Variants in NAXE observed in about 807,000 individuals in gnomAD.
NAXE encodes the protein NAD(P)H-hydrate epimerase.
NAXE carries 25 observed loss-of-function variants against 31.2 expected under a neutral mutation model. That is an observed-to-expected ratio of 0.80 (90% confidence interval 0.58 to 1.12). The LOEUF is 1.12. Among genes scored for constraint, NAXE ranks in the 50% most tolerant of loss-of-function variants. NAXE has a pLI of 0.00. For synonymous variants in NAXE, 144 were observed against 154.5 expected (o/e 0.93, Z 0.50); for missense variants, 362 against 376.1 (o/e 0.96, Z 0.31).
Position 156,594,107 on chromosome 1 carries a change from C to T in NAXE, c.*23C>T. 6.2e-7 allele frequency: 1 copy of T among 1,609,314 alleles called. No individual in the cohort carries two copies. The highest frequency in any genetic ancestry group is 8.5e-7 in the Non-Finnish European group (1 of 1,176,316). On this transcript the variant is annotated 3_prime_UTR_variant, in exon 6 of 6. Coordinates refer to ENST00000368235, the MANE Select transcript of NAXE (RefSeq NM_144772.3). ...TGAGGGAAGGTGGGTGGGTATTCTT[C>T]CCAATAAAGACTTAGAGCCCCTCTC... is the stretch of plus-strand genomic sequence containing the variant.
Position 156,592,578 on chromosome 1 carries a change from TACCCCAAAAGGCCTA to T in NAXE, c.427_441del (p.Pro143_Asn147del). On this transcript the variant is annotated inframe_deletion, in exon 4 of 6. Transcript: ENST00000368235. The stretch of plus-strand genomic sequence containing the variant: ...CTAGGGCTACGAGCCAACCATCTAT[TACCCCAAAAGGCCTA>T]ACAAGCCCCTCTTCACTGCATTGGT... 1 of 1,614,154 alleles carries T rather than the reference TACCCCAAAAGGCCTA, an allele frequency of 6.2e-7. No individual in the cohort carries two copies. Among genetic ancestry groups the T allele is most frequent in the Non-Finnish European group, 8.5e-7 (1 of 1,180,006 alleles).
Position 156,591,784 on chromosome 1 carries a change from G to C in NAXE, c.-21G>C, listed in dbSNP as rs1571391819. 5 of 1,271,960 alleles carry C rather than the reference G, an allele frequency of 3.9e-6. No individual in the cohort carries two copies. Among genetic ancestry groups the C allele is most frequent in the Admixed American group, 2.8e-5 (1 of 35,720 alleles). 78.8% of individuals were successfully genotyped at this position (1,271,960 alleles called of 1,614,324 possible). A position where few individuals can be genotyped will look rare whatever the true frequency, so the allele number is the denominator to read the frequency against. ...TGCGCCGGGGCCGGGCCGGGCCGGG[G>C]GCGCGCGCTCTGCGAGCTGGATGTC... On this transcript the variant is annotated 5_prime_UTR_variant, in exon 1 of 6. Coordinates refer to ENST00000368235, the MANE Select transcript of NAXE (RefSeq NM_144772.3).
intron 4 of NAXE, 44 bp downstream of exon 4, chr1:156,592,714 G>C: frequency 6.6e-7 from 1 of 1,517,010 alleles, no homozygotes; most frequent in Non-Finnish European, 9.1e-7. Flanking sequence ...AGTAACCACT[G>C]CCTGTGCTCT....
rs750501749 is a variant in NAXE at position 156,592,614 on chromosome 1, T to C, written c.460T>C (p.Leu154=). Residue 154 remains leucine (L), a synonymous_variant, in exon 4 of 6, where the codon TTG becomes CTG. Transcript: ENST00000368235. Reference sequence around the variant, plus strand: ...GCCTAACAAGCCCCTCTTCACTGCATTGGTGACCCAGTGTCAGAAAATGGA... The same window carrying C: ...GCCTAACAAGCCCCTCTTCACTGCACTGGTGACCCAGTGTCAGAAAATGGA... The part of the protein sequence containing the change: ...KRPNKPLFTA[L]VTQCQKMDIP... The C allele has an allele frequency of 1.9e-6, 3 of 1,614,190 alleles. No homozygotes were observed. The highest frequency in any genetic ancestry group is 1.1e-5 in the South Asian group (1 of 91,084).
intron 5 of NAXE, 88 bp downstream of exon 5, chr1:156,593,643 T>C (rs755878714): frequency 6.4e-7 from 1 of 1,557,420 alleles, no homozygotes; most frequent in South Asian, 1.2e-5. Context: ...AATTTTAGTC[T>C]AGAGGGGCAG....
At position 156,592,666 on chromosome 1, in the gene NAXE, C is replaced by G. The variant is rs369183498; in HGVS notation, c.512C>G (p.Ala171Gly). The G allele has an allele frequency of 6.2e-7, 1 of 1,612,606 alleles. No homozygotes were observed. Among genetic ancestry groups the G allele is most frequent in the Non-Finnish European group, 8.5e-7 (1 of 1,178,794 alleles). Residue 171 changes from alanine (A) to glycine (G), a missense_variant, in exon 4 of 6, where the codon GCA (alanine) becomes GGA (glycine). By Grantham distance (60) the Ala-to-Gly change is moderately conservative. Coordinates refer to ENST00000368235, the MANE Select transcript of NAXE (RefSeq NM_144772.3). Reference protein sequence around the residue: ...MDIPFLGEMPAEPMTIDELYE... With the variant: ...MDIPFLGEMPGEPMTIDELYE... ...ATCCCTTTCCTTGGGGAAATGCCCG[C>G]AGAGGTAGGTGGCTCCAGTTGAATA...
At position 156,593,180 on chromosome 1, in the gene NAXE, C is replaced by A. The variant is rs148305486; in HGVS notation, c.517-228C>A. ...CTCAGGCTATCTCAGCCTGTAGCCT[C>A]CCCAGTGGTGGGCAGGCAGGCAGGC... On this transcript the variant is annotated intron_variant, in intron 4 of 5. Transcript: ENST00000368235. 145 of 528,854 alleles carry A rather than the reference C, an allele frequency of 2.7e-4. No individual in the cohort carries two copies. In the East Asian group the frequency reaches 4.7e-3, roughly 17 times the overall value. The allele number at this position is 528,854 out of a possible 1,614,324, so 32.8% of individuals were successfully genotyped here. A position where few individuals can be genotyped will look rare whatever the true frequency, so the allele number is the denominator to read the frequency against.
In NAXE at chr1:156,591,933, G is replaced by A. The variant is rs1331547786; in HGVS notation, c.129G>A (p.Ser43=). Residue 43 remains serine, a synonymous_variant, in exon 1 of 6, where the codon TCG becomes TCA. Transcript: ENST00000368235. ...PTWWGPQRLN[S]GGRWDSEVMA... Reference sequence around the variant, plus strand: ...GGTGGGGACCGCAGCGGCTGAACTCGGGTGGCCGCTGGGACTCAGAGGTCA... The same window carrying A: ...GGTGGGGACCGCAGCGGCTGAACTCAGGTGGCCGCTGGGACTCAGAGGTCA... 2.5e-6 allele frequency: 4 copies of A among 1,612,668 alleles called. No homozygotes were observed. Among genetic ancestry groups the A allele is most frequent in the Non-Finnish European group, 3.4e-6 (4 of 1,179,732 alleles).
rs991290916 is a variant in NAXE at position 156,592,960 on chromosome 1, C to T, written c.516+290C>T. The T allele has an allele frequency of 6.8e-5, 31 of 456,420 alleles. No homozygotes were observed. The South Asian group carries it at 9.1e-4, about 13-fold the overall frequency. The allele number at this position is 456,420 out of a possible 1,614,324, so 28.3% of individuals were successfully genotyped here. ...CATGCAGTAAACACATGATCTACCC[C>T]TCAGGGGCCGGAGTGGCTGCCCTAT... is the stretch of plus-strand genomic sequence containing the variant. On this transcript the variant is annotated intron_variant, in intron 4 of 5. Transcript: ENST00000368235.
chr1:156,592,010 T>A (rs1316594679), intron 1 of NAXE, 24 bp downstream of exon 1: 1 of 1,613,408 alleles, frequency 6.2e-7, no homozygotes, highest in East Asian at 2.2e-5. Flanking sequence ...TCGGGTGGCC[T>A]GCTCTGCCCC....
Position 156,593,891 on chromosome 1 carries a change from TGGA to T in NAXE, c.676_678del (p.Glu226del). 2 of 1,614,016 alleles carry T rather than the reference TGGA, an allele frequency of 1.2e-6. No individual in the cohort carries two copies. The highest frequency in any genetic ancestry group is 1.1e-5 in the South Asian group (1 of 91,070). On this transcript the variant is annotated inframe_deletion, in exon 6 of 6. Coordinates refer to ENST00000368235, the MANE Select transcript of NAXE (RefSeq NM_144772.3). Reference sequence around the variant, plus strand: ...ACCACCCTCTTTTCAGGATGGGACGTGGAGAAGGGAAATGCTGGAGGGATCCAG... The same window carrying T: ...ACCACCCTCTTTTCAGGATGGGACGTGAAGGGAAATGCTGGAGGGATCCAG...
At position 156,593,934 on chromosome 1, in the gene NAXE, A is replaced by C. The variant is rs6427322; in HGVS notation, c.717A>C (p.Ile239=). 1,554,621 of 1,614,076 alleles carry C rather than the reference A, an allele frequency of 0.96. 749,341 individuals carry two copies. The highest frequency in any genetic ancestry group is 0.98 in the East Asian group (43,910 of 44,876). ...NAGGIQPDLL[I]SLTAPKKSAT... ...GAGGGATCCAGCCAGACTTGCTCAT[A>C]TCCCTCACAGCCCCCAAAAAATCTG... Residue 239 remains isoleucine (I), a synonymous_variant, in exon 6 of 6, where the codon ATA becomes ATC. Transcript: ENST00000368235.
rs577354253 is a variant in NAXE at position 156,592,415 on chromosome 1, C to T, written c.342C>T (p.Ile114=). Residue 114 remains isoleucine, a synonymous_variant, in exon 3 of 6, where the codon ATC becomes ATT. Coordinates refer to ENST00000368235, the MANE Select transcript of NAXE (RefSeq NM_144772.3). Reference sequence around the variant, plus strand: ...GGAGCCCCCCTACTGTCCTGGTCATCTGTGGCCCGGGGAATAATGGAGGAG... The same window carrying T: ...GGAGCCCCCCTACTGTCCTGGTCATTTGTGGCCCGGGGAATAATGGAGGAG... ...MSRSPPTVLV[I]CGPGNNGGDG... 19 of 1,614,174 alleles carry T rather than the reference C, an allele frequency of 1.2e-5. No individual in the cohort carries two copies. The South Asian group carries it at 1.9e-4, about 16-fold the overall frequency.
intron 4 of NAXE, 199 bp downstream of exon 4, chr1:156,592,869 A>C: frequency 1.7e-6 from 1 of 582,748 alleles, no homozygotes; most frequent in Non-Finnish European, 3.0e-6. Context: ...CCTTCTCTAA[A>C]GCTTCCTTGC....
chr1:156,593,984 A>G lies in NAXE; in HGVS notation c.767A>G (p.His256Arg), dbSNP rs1192016241. ...GCAACCCAGTTTACCGGTCGCTACC[A>G]TTACCTGGGGGGTCGTTTTGTGCCA... is the stretch of plus-strand genomic sequence containing the variant. ...KSATQFTGRY[H>R]YLGGRFVPPA... The change falls in exon 6 of 6, where the codon CAT (histidine) becomes CGT (arginine). Residue 256 changes from histidine to arginine, a missense_variant. Transcript: ENST00000368235. 8.7e-6 allele frequency: 14 copies of G among 1,614,034 alleles called. No individual in the cohort carries two copies. Among genetic ancestry groups the G allele is most frequent in the East Asian group, 4.5e-5 (2 of 44,892 alleles).
At chr1:156,593,682 C>G (rs879812256) in intron 5 of NAXE, 127 bp downstream of exon 5, 2 of 1,425,154 alleles carry the variant, frequency 1.4e-6, no homozygotes, top group African/African-American at 2.8e-5. Flanking sequence ...CCCATCAGGG[C>G]TGGGGAACAG....
At position 156,593,885 on chromosome 1, in the gene NAXE, G is replaced by A. The variant is rs1205686109; in HGVS notation, c.668G>A (p.Trp223Ter). 1 of 1,614,010 alleles carries A rather than the reference G, an allele frequency of 6.2e-7. No individual in the cohort carries two copies. Among genetic ancestry groups the A allele is most frequent in the East Asian group, 2.2e-5 (1 of 44,886 alleles). The stretch of plus-strand genomic sequence containing the variant: ...CTGAACACCACCCTCTTTTCAGGAT[G>A]GGACGTGGAGAAGGGAAATGCTGGA... ...PIASIDIPSGWDVEKGNAGGI... is the reference protein window; with the variant it reads ...PIASIDIPSG Residue 223 changes from tryptophan to a stop codon, truncating the protein, a stop_gained, in exon 6 of 6, where the codon TGG becomes TAG. Transcript: ENST00000368235. LOFTEE classifies it high-confidence loss of function.
At position 156,592,773 on chromosome 1, in the gene NAXE, G is replaced by T. The variant is rs1350038451; in HGVS notation, c.516+103G>T. On this transcript the variant is annotated intron_variant, in intron 4 of 5. Coordinates refer to ENST00000368235, the MANE Select transcript of NAXE (RefSeq NM_144772.3). ...TGAGCTCATTTTAGTGCCTGGTACG[G>T]AAGGTGCCTAACGGATGGTATTCGA... 2.8e-6 allele frequency: 3 copies of T among 1,080,200 alleles called. No individual in the cohort carries two copies. In the East Asian group the frequency reaches 7.1e-5, roughly 26 times the overall value. The allele number at this position is 1,080,200 out of a possible 1,614,324, so 66.9% of individuals were successfully genotyped here. A position where few individuals can be genotyped will look rare whatever the true frequency, so the allele number is the denominator to read the frequency against.
chr1:156,592,059 G>C (rs1677341802), intron 1 of NAXE, 42 bp from the exon 2 acceptor site: 1 of 1,613,846 alleles, frequency 6.2e-7, no homozygotes, highest in Non-Finnish European at 8.5e-7. Context: ...CTGCGCGACA[G>C]AGAACACGAG....
Sources: gnomAD v4.1 joint callset for allele counts on GRCh38, gnomAD v4.1.1 for gene constraint, MANE v1.5 for transcripts, NCBI Gene and HGNC (gene_info 2026-07-23, HGNC 2026-07-21) for gene names.